Variants in WBP11 observed in about 807,000 individuals in gnomAD.
WBP11 encodes the protein WW domain-binding protein 11.
In WBP11, 12 loss-of-function variants were observed where a neutral mutation model predicts 66.7. The ratio of observed to expected loss-of-function variants is 0.18; its 90% CI spans 0.12 to 0.29. The LOEUF is 0.29. WBP11 is among the 10% of genes least tolerant of loss of function. The pLI, the probability that WBP11 is intolerant of heterozygous loss-of-function variation, is 1.00. For synonymous variants in WBP11, 255 were observed against 273.8 expected (o/e 0.93, Z 0.68); for missense variants, 555 against 818.3 (o/e 0.68, Z 3.93).
rs1949863535 is a variant in WBP11 at position 14,794,416 on chromosome 12, T to G, written c.721+121A>C. The G allele has an allele frequency of 3.8e-5, 39 of 1,030,774 alleles. No homozygotes were observed. In the South Asian group the frequency reaches 4.5e-4, roughly 12 times the overall value. 63.9% of individuals were successfully genotyped at this position (1,030,774 alleles called of 1,614,324 possible). A position where few individuals can be genotyped will look rare whatever the true frequency, so the allele number is the denominator to read the frequency against. The stretch of plus-strand genomic sequence containing the variant: ...ATGATTTATCCAACTGTATGTATAT[T>G]AGTTATGTACATGATACCCTCTCAT... On this transcript the variant is annotated intron_variant, in intron 7 of 11. Transcript: ENST00000261167.
In WBP11 at chr12:14,795,079, C is replaced by G; in HGVS notation, c.413G>C (p.Ser138Thr). The G allele has an allele frequency of 1.9e-6, 3 of 1,611,902 alleles. No individual in the cohort carries two copies. Among genetic ancestry groups the G allele is most frequent in the Middle Eastern group, 1.7e-4 (1 of 5,818 alleles). The change falls in exon 6 of 12, where the codon AGT becomes ACT. Residue 138 changes from serine (S) to threonine (T), a missense_variant. By Grantham distance (58) the Ser-to-Thr change is moderately conservative (BLOSUM62 1). Transcript: ENST00000261167. ...ATGTGGCATATCTGGCAAAGGAATA[C>G]TCTCCACTTCCACATGCTGAGCATT... ...VKNAQHVEVE[S>T]IPLPDMPHAP...
In WBP11 at chr12:14,796,716, CA is replaced by C; in HGVS notation, c.387+90del. 8.0e-7 allele frequency: 1 copy of C among 1,252,832 alleles called. No individual in the cohort carries two copies. The highest frequency in any genetic ancestry group is 1.1e-6 in the Non-Finnish European group (1 of 927,684). The allele number at this position is 1,252,832 out of a possible 1,614,324, so 77.6% of individuals were successfully genotyped here. A position where few individuals can be genotyped will look rare whatever the true frequency, so the allele number is the denominator to read the frequency against. On this transcript the variant is annotated intron_variant, in intron 5 of 11. Coordinates refer to ENST00000261167, the MANE Select transcript of WBP11 (RefSeq NM_016312.3). The surrounding 1 kb of genome is among the most constrained non-coding windows in gnomAD (Gnocchi z 4.5). ...AAAAAAAACCCAACAACCCTAAATCCAAAACACTTCTGGTCCCAAGCACTTT... is the reference window on the plus strand; with the variant it reads ...AAAAAAAACCCAACAACCCTAAATCCAAACACTTCTGGTCCCAAGCACTTT...
At chr12:14,798,732 C>T (rs1240427928) in intron 4 of WBP11, among the ~76,000 whole-genome samples, 1 of 152,066 alleles carries the variant, frequency 6.6e-6, no homozygotes, top group Non-Finnish European at 1.5e-5. Flanking sequence ...TTCATTCCAT[C>T]TCTTTTACTT....
intron 1 of WBP11, among the ~76,000 whole-genome samples, chr12:14,802,965 A>G (rs17834461): frequency 0.17 from 25,128 of 152,178 alleles, 2,460 homozygotes; most frequent in Non-Finnish European, 0.22. Flanking sequence ...CTGGAAAATC[A>G]AGCCAAATAA....
Position 14,790,646 on chromosome 12 carries a change from C to A in WBP11, c.1119G>T (p.Gln373His). 6.2e-7 allele frequency: 1 copy of A among 1,614,160 alleles called. No individual in the cohort carries two copies. Among genetic ancestry groups the A allele is most frequent in the Non-Finnish European group, 8.5e-7 (1 of 1,180,008 alleles). ...DSEAEKQSQK[Q>H]HKEESHSDGT... ...CATCAGAATGGGATTCCTCTTTATGCTGCTTTTGTGATTGCTTTTCTGCTT... is the reference window on the plus strand; with the variant it reads ...CATCAGAATGGGATTCCTCTTTATGATGCTTTTGTGATTGCTTTTCTGCTT... Residue 373 changes from glutamine (Q) to histidine (H), a missense_variant, in exon 10 of 12, where the codon CAG becomes CAT. This residue lies in a region of WBP11 where 230 missense variants were observed against 286.3 expected (regional missense o/e 0.80). Coordinates refer to ENST00000261167, the MANE Select transcript of WBP11 (RefSeq NM_016312.3).
chr12:14,791,131 A>AC (rs1565672116), intron 9 of WBP11, 38 bp downstream of exon 9: 2 of 1,584,532 alleles, frequency 1.3e-6, no homozygotes, highest in Non-Finnish European at 1.7e-6. Flanking sequence ...GCGTGAGGAT[A>AC]CACCAAAAGG....
chr12:14,799,206 A>G (rs1249848644), intron 4 of WBP11, among the ~76,000 whole-genome samples: 2 of 152,190 alleles, frequency 1.3e-5, no homozygotes, highest in Non-Finnish European at 2.9e-5. Flanking sequence ...TAAATGGATA[A>G]GTATCTTTTT....
chr12:14,784,767 G>C lies in WBP11; in HGVS notation c.*2298C>G, dbSNP rs1032481686. 1.3e-5 allele frequency: 2 copies of C among 152,070 alleles called. No homozygotes were observed. The highest frequency in any genetic ancestry group is 4.8e-5 in the African/African-American group (2 of 41,400). 9.4% of individuals were successfully genotyped at this position (152,070 alleles called of 1,614,324 possible). On this transcript the variant is annotated 3_prime_UTR_variant, in exon 12 of 12. Coordinates refer to ENST00000261167, the MANE Select transcript of WBP11 (RefSeq NM_016312.3). ...AAAGTGACACTTTGATAAGGAAATA[G>C]TAACAAGTCTATCCATATACATGAT... is the stretch of plus-strand genomic sequence containing the variant.
Position 14,796,135 on chromosome 12 carries a change from G to A in WBP11, c.387+672C>T, listed in dbSNP as rs1372135788. On this transcript the variant is annotated intron_variant, in intron 5 of 11. Coordinates refer to ENST00000261167, the MANE Select transcript of WBP11 (RefSeq NM_016312.3). The surrounding 1 kb of genome is among the most constrained non-coding windows in gnomAD (Gnocchi z 4.5). The stretch of plus-strand genomic sequence containing the variant: ...CATAAAAATGAAATCATAACAATGA[G>A]ATAAACTTAGCATGTTTTTGAGATT... 6.6e-6 allele frequency among the ~76,000 whole-genome samples: 1 copy of A among 152,004 alleles called. No homozygotes were observed. Among genetic ancestry groups the A allele is most frequent in the Non-Finnish European group, 1.5e-5 (1 of 67,996 alleles).
In WBP11 at chr12:14,797,564, T is replaced by C. The variant is rs576507038; in HGVS notation, c.191-561A>G. On this transcript the variant is annotated intron_variant, in intron 4 of 11. Transcript: ENST00000261167. ...CTCCCTAACTAATCATGTGTCAATA[T>C]GGGGCTTAACTGCAGGTCCTCTATC... 5.3e-5 allele frequency among the ~76,000 whole-genome samples: 8 copies of C among 152,314 alleles called. No homozygotes were observed. In the South Asian group the frequency reaches 1.7e-3, roughly 32 times the overall value.
chr12:14,788,897 G>A, intron 11 of WBP11, 54 bp downstream of exon 11: 2 of 972,670 alleles, frequency 2.1e-6, no homozygotes, highest in Non-Finnish European at 2.9e-6. Context: ...ATGTCTTAGA[G>A]CAAATTAAAT....
At position 14,791,395 on chromosome 12, in the gene WBP11, G is replaced by C. The variant is rs1175586120; in HGVS notation, c.914-125C>G. Reference sequence around the variant, plus strand: ...ACTACTTGGCAGAGGTGCAGGATGAGATAGCTATACTAATGATACGAACAC... The same window carrying C: ...ACTACTTGGCAGAGGTGCAGGATGACATAGCTATACTAATGATACGAACAC... On this transcript the variant is annotated intron_variant, in intron 8 of 11. Coordinates refer to ENST00000261167, the MANE Select transcript of WBP11 (RefSeq NM_016312.3). 2.2e-5 allele frequency: 14 copies of C among 649,150 alleles called. No individual in the cohort carries two copies. In the East Asian group the frequency reaches 3.4e-4, roughly 16 times the overall value. The allele number at this position is 649,150 out of a possible 1,614,324, so 40.2% of individuals were successfully genotyped here. A position where few individuals can be genotyped will look rare whatever the true frequency, so the allele number is the denominator to read the frequency against.
At chr12:14,800,707 A>G in intron 3 of WBP11, 45 bp downstream of exon 3, 1 of 1,526,876 alleles carries the variant, frequency 6.5e-7, no homozygotes, top group Non-Finnish European at 9.0e-7. Context: ...CACAAGATGT[A>G]CCAAACAATA....
rs1415706730 is a variant in WBP11 at position 14,803,353 on chromosome 12, C to T, written c.-47G>A. On this transcript the variant is annotated splice_region_variant and 5_prime_UTR_variant, in exon 1 of 12. It adds an upstream start codon to the 5' untranslated region. Coordinates refer to ENST00000261167, the MANE Select transcript of WBP11 (RefSeq NM_016312.3). ...AGTAAATCAATTCAATACACTCACA[C>T]TTCTGCTGTGCTCCCAGGACTACGA... 2 of 398,720 alleles carry T rather than the reference C, an allele frequency of 5.0e-6. No individual in the cohort carries two copies. Among genetic ancestry groups the T allele is most frequent in the Non-Finnish European group, 8.8e-6 (2 of 226,136 alleles). The allele number at this position is 398,720 out of a possible 1,614,324, so 24.7% of individuals were successfully genotyped here. A position where few individuals can be genotyped will look rare whatever the true frequency, so the allele number is the denominator to read the frequency against.
At position 14,796,337 on chromosome 12, in the gene WBP11, G is replaced by GATT. The variant is rs1487929968; in HGVS notation, c.387+467_387+469dup. ...TAATTTCTTCTGTTTAAATAAAGAG[G>GATT]ATTAGATTTGCAGGTTCACACAGTA... is the stretch of plus-strand genomic sequence containing the variant. On this transcript the variant is annotated intron_variant, in intron 5 of 11. Transcript: ENST00000261167. This position sits in a 1 kb window ranked among gnomAD's most constrained non-coding sequence, Gnocchi z 4.5. Among the ~76,000 whole-genome samples the GATT allele has an allele frequency of 6.6e-6, 1 of 152,130 alleles. No homozygotes were observed. Among genetic ancestry groups the GATT allele is most frequent in the Non-Finnish European group, 1.5e-5 (1 of 68,006 alleles).
rs1468797861 is a variant in WBP11 at position 14,786,424 on chromosome 12, T to C, written c.*641A>G. The stretch of plus-strand genomic sequence containing the variant: ...ACCCAAGTTTTAAATATTTAACTTT[T>C]TCTGTCCATAAAATAGGTATTATGT... On this transcript the variant is annotated 3_prime_UTR_variant, in exon 12 of 12. Transcript: ENST00000261167. 1 of 152,228 alleles carries C rather than the reference T, an allele frequency of 6.6e-6. No individual in the cohort carries two copies. The highest frequency in any genetic ancestry group is 1.5e-5 in the Non-Finnish European group (1 of 68,036). The allele number at this position is 152,228 out of a possible 1,614,324, so 9.4% of individuals were successfully genotyped here.
chr12:14,790,615 A>T lies in WBP11; in HGVS notation c.1150T>A (p.Ser384Thr). The change falls in exon 10 of 12, where the codon TCC becomes ACC. Residue 384 changes from serine (S) to threonine (T), a missense_variant. By Grantham distance (58) the Ser-to-Thr change is moderately conservative (BLOSUM62 1). This residue lies in a region of WBP11 where 230 missense variants were observed against 286.3 expected (regional missense o/e 0.80). Coordinates refer to ENST00000261167, the MANE Select transcript of WBP11 (RefSeq NM_016312.3). The part of the protein sequence containing the change: ...HKEESHSDGT[S>T]TASSQQQAPP... ...GCCTGCTGCTGTGAAGAAGCAGTGGATGTGCCATCAGAATGGGATTCCTCT... is the reference window on the plus strand; with the variant it reads ...GCCTGCTGCTGTGAAGAAGCAGTGGTTGTGCCATCAGAATGGGATTCCTCT... The T allele has an allele frequency of 1.2e-6, 2 of 1,614,042 alleles. No individual in the cohort carries two copies. Among genetic ancestry groups the T allele is most frequent in the Non-Finnish European group, 1.7e-6 (2 of 1,179,922 alleles).
intron 7 of WBP11, among the ~76,000 whole-genome samples, chr12:14,794,148 T>A (rs937831918): frequency 7.2e-5 from 11 of 152,200 alleles, no homozygotes; most frequent in Non-Finnish European, 1.3e-4. Context: ...AAGATTTTTT[T>A]AAAAAGAGTT....
Position 14,794,619 on chromosome 12 carries a change from C to G in WBP11, c.639G>C (p.Gln213His). ...CAAAACCCACTTTACGGCCATACAT[C>G]TGCACGACTTGAGGAGGAGGTGGAC... ...PPGPPPPQVVQMYGRKVGFAL... is the reference protein window; with the variant it reads ...PPGPPPPQVVHMYGRKVGFAL... Residue 213 changes from glutamine to histidine, a missense_variant, in exon 7 of 12, where the codon CAG (glutamine) becomes CAC (histidine). Coordinates refer to ENST00000261167, the MANE Select transcript of WBP11 (RefSeq NM_016312.3). 6.2e-7 allele frequency: 1 copy of G among 1,614,080 alleles called. No homozygotes were observed. The highest frequency in any genetic ancestry group is 8.5e-7 in the Non-Finnish European group (1 of 1,180,016).
Sources: allele counts gnomAD v4.1 joint callset (sites outside exome capture counted in the v4.1 genomes callset), GRCh38; gene constraint gnomAD v4.1.1; regional missense constraint gnomAD v4.1.1; non-coding constraint Gnocchi (gnomAD v3.1); transcripts MANE v1.5; gene names NCBI Gene and HGNC (gene_info 2026-07-23, HGNC 2026-07-21).